Variants in NPAT observed in about 807,000 individuals in gnomAD.
NPAT encodes the protein protein NPAT.
NPAT carries 52 observed loss-of-function variants against 130.7 expected under a neutral mutation model. That is an observed-to-expected ratio of 0.40 (90% CI 0.32 to 0.50). NPAT has a LOEUF of 0.50. Ranked by LOEUF, NPAT falls within the 20% of genes least tolerant of loss-of-function variation. The pLI, the probability that NPAT is intolerant of heterozygous loss-of-function variation, is 0.68. For missense variants in NPAT, 1,687 were observed against 1,662.6 expected (o/e 1.01, Z -0.26); for synonymous variants, 580 against 584.8 (o/e 0.99, Z 0.12).
intron 10 of NPAT, among the ~76,000 whole-genome samples, chr11:108,182,634 A>G (rs2078068431): frequency 6.6e-6 from 1 of 152,136 alleles, no homozygotes; most frequent in Non-Finnish European, 1.5e-5. Flanking sequence ...TGTAGCTGGG[A>G]TTATAGGTGC....
intron 1 of NPAT, among the ~76,000 whole-genome samples, chr11:108,215,107 G>A (rs80075964): frequency 0.01 from 1,568 of 152,156 alleles, 34 homozygotes; most frequent in African/African-American, 0.036. Flanking sequence ...CTTTGCTTGG[G>A]CAGCTAATCT....
chr11:108,184,407 G>A (rs1043726779), intron 10 of NPAT, among the ~76,000 whole-genome samples: 5 of 151,028 alleles, frequency 3.3e-5, no homozygotes, highest in African/African-American at 1.2e-4. Context: ...GGGAGGCAGA[G>A]CTTGCAGTGA....
Position 108,158,900 on chromosome 11 carries a change from T to C in NPAT, c.*42A>G. On this transcript the variant is annotated 3_prime_UTR_variant, in exon 18 of 18. Transcript: ENST00000278612. ...CATTCCCTACACTCAGTTTAAGGGA[T>C]ATGAGTTTTTAACACCTACTGTTCT... The C allele has an allele frequency of 2.6e-6, 3 of 1,132,438 alleles. No individual in the cohort carries two copies. The highest frequency in any genetic ancestry group is 4.0e-6 in the Non-Finnish European group (3 of 745,454). The allele number at this position is 1,132,438 out of a possible 1,614,324, so 70.1% of individuals were successfully genotyped here.
chr11:108,161,953 C>T lies in NPAT; in HGVS notation c.3133G>A (p.Val1045Ile), dbSNP rs1804021. The T allele has an allele frequency of 6.2e-7, 1 of 1,603,766 alleles. No homozygotes were observed. The highest frequency in any genetic ancestry group is 1.7e-5 in the Admixed American group (1 of 58,120). The change falls in exon 17 of 18, where the codon GTT (valine) becomes ATT (isoleucine). Residue 1045 changes from valine to isoleucine, a missense_variant. This residue lies in a region of NPAT where 1,379 missense variants were observed against 1,346.6 expected (regional missense o/e 1.02). Transcript: ENST00000278612. ...ACTATACTCTCTTCTGGGAAGGGAACTGTGGTTTCTTCTGATTTTTTCCCA... is the reference window on the plus strand; with the variant it reads ...ACTATACTCTCTTCTGGGAAGGGAATTGTGGTTTCTTCTGATTTTTTCCCA... Reference protein sequence around the residue: ...DLGKKSEETTVPFPEESIVPA... With the variant: ...DLGKKSEETTIPFPEESIVPA...
chr11:108,166,927 C>G lies in NPAT; in HGVS notation c.3010+2817G>C, dbSNP rs532849471. Among the ~76,000 whole-genome samples the G allele has an allele frequency of 2.0e-5, 3 of 152,220 alleles. No individual in the cohort carries two copies. The East Asian group carries it at 5.8e-4, about 29-fold the overall frequency. ...ACATGGTTCTCTTCTATTTATACAT[C>G]CTTTATGAAAGATTTCAAATATTCT... On this transcript the variant is annotated intron_variant, in intron 15 of 17. Transcript: ENST00000278612.
Position 108,160,875 on chromosome 11 carries a change from C to T in NPAT, c.4206+5G>A. On this transcript the variant is annotated splice_donor_5th_base_variant and intron_variant, in intron 17 of 17. Transcript: ENST00000278612. The stretch of plus-strand genomic sequence containing the variant: ...TGGTTTTGAAATTAAAACTTTCAAA[C>T]TTGCCTTAATTTTCTTCTTTTTCAT... 1.2e-6 allele frequency: 2 copies of T among 1,610,266 alleles called. No homozygotes were observed. The highest frequency in any genetic ancestry group is 1.7e-6 in the Non-Finnish European group (2 of 1,177,996).
intron 1 of NPAT, among the ~76,000 whole-genome samples, chr11:108,199,656 T>C (rs1482978799): frequency 6.6e-6 from 1 of 152,100 alleles, no homozygotes; most frequent in African/African-American, 2.4e-5. Context: ...TGGGGAAGAT[T>C]TTGTCAAGCC....
chr11:108,216,357 T>A (rs938714288), intron 1 of NPAT, among the ~76,000 whole-genome samples: 2 of 152,212 alleles, frequency 1.3e-5, no homozygotes, highest in African/African-American at 2.4e-5. Flanking sequence ...GGAGTCATAC[T>A]GCCCTAAGAG....
intron 7 of NPAT, among the ~76,000 whole-genome samples, chr11:108,186,779 C>A (rs2078111904): frequency 6.6e-6 from 1 of 152,022 alleles, no homozygotes; most frequent in South Asian, 2.1e-4. Flanking sequence ...CCCATGTATT[C>A]AAAAAGTCAG....
intron 13 of NPAT, 98 bp downstream of exon 13, chr11:108,172,101 T>C: frequency 1.0e-6 from 1 of 981,406 alleles, no homozygotes; most frequent in Non-Finnish European, 1.6e-6. Flanking sequence ...TCATACCATC[T>C]ACTCATTAGT....
At chr11:108,160,743 G>A (rs1459176709) in intron 17 of NPAT, 137 bp downstream of exon 17, 1 of 755,576 alleles carries the variant, frequency 1.3e-6, no homozygotes, top group Non-Finnish European at 2.2e-6. Flanking sequence ...TCATGGTTAT[G>A]TATTTTGTCA....
chr11:108,205,123 C>T (rs906966598), intron 1 of NPAT, among the ~76,000 whole-genome samples: 7 of 152,096 alleles, frequency 4.6e-5, no homozygotes, highest in Non-Finnish European at 8.8e-5. Flanking sequence ...TCATCACATA[C>T]AAGGGTTTCT....
chr11:108,173,720 T>A lies in NPAT; in HGVS notation c.1264A>T (p.Ser422Cys). ...DQENFSQIST[S>C]IQKKAFKTAV... ...GTTTTAAAGGCCTTTTTCTGTATGC[T>A]GGTACTTATTTGGGAAAAATTTTCC... The change falls in exon 13 of 18, where the codon AGC becomes TGC. Residue 422 changes from serine (S) to cysteine (C), a missense_variant. Ser to Cys is a moderately radical substitution (Grantham distance 112). Coordinates refer to ENST00000278612, the MANE Select transcript of NPAT (RefSeq NM_002519.3). The A allele has an allele frequency of 6.2e-7, 1 of 1,614,202 alleles. No homozygotes were observed. The highest frequency in any genetic ancestry group is 8.5e-7 in the Non-Finnish European group (1 of 1,180,022).
Position 108,192,601 on chromosome 11 carries a change from C to T in NPAT, c.218-411G>A, listed in dbSNP as rs2078180839. 2.0e-5 allele frequency among the ~76,000 whole-genome samples: 3 copies of T among 152,100 alleles called. No individual in the cohort carries two copies. In the South Asian group the frequency reaches 6.2e-4, roughly 32 times the overall value. On this transcript the variant is annotated intron_variant, in intron 3 of 17. Transcript: ENST00000278612. ...TTCCTTATAAGTGTGGAAATTTAAT[C>T]CTCAATTTTCTCATATTTAAAAATG... is the stretch of plus-strand genomic sequence containing the variant.
chr11:108,185,150 G>A, intron 10 of NPAT, 82 bp downstream of exon 10: 2 of 903,420 alleles, frequency 2.2e-6, no homozygotes, highest in Admixed American at 2.0e-5. Flanking sequence ...GTTGGCAATG[G>A]TTTTGAAATG....
Position 108,161,504 on chromosome 11 carries a change from ACCC to A in NPAT, c.3579_3581del (p.Gly1194del). 6.2e-7 allele frequency: 1 copy of A among 1,613,880 alleles called. No homozygotes were observed. The highest frequency in any genetic ancestry group is 2.2e-5 in the East Asian group (1 of 44,880). Reference sequence around the variant, plus strand: ...AAGCTATAGATTTCTCACTTCGCAAACCCCCATTTTGCTGCCCAATAGATAGTT... The same window carrying A: ...AAGCTATAGATTTCTCACTTCGCAAACCATTTTGCTGCCCAATAGATAGTT... On this transcript the variant is annotated inframe_deletion, in exon 17 of 18. Transcript: ENST00000278612.
chr11:108,195,235 G>A (rs2078208900), intron 2 of NPAT, among the ~76,000 whole-genome samples: 1 of 152,186 alleles, frequency 6.6e-6, no homozygotes, highest in Non-Finnish European at 1.5e-5. Flanking sequence ...AGGAGTACAT[G>A]CATAATCATA....
At chr11:108,183,371 A>G (rs1350553905) in intron 10 of NPAT, among the ~76,000 whole-genome samples, 1 of 152,212 alleles carries the variant, frequency 6.6e-6, no homozygotes, top group East Asian at 1.9e-4. Context: ...TCAAGGGCTC[A>G]ATGGCTTTAC....
chr11:108,176,426 C>T (rs1368994594), intron 11 of NPAT, 52 bp from the exon 12 acceptor site: 2 of 1,275,518 alleles, frequency 1.6e-6, no homozygotes, highest in African/African-American at 1.5e-5. Flanking sequence ...AAAAAATAAA[C>T]ATCAATGAAT....
Sources: gnomAD v4.1 joint callset for allele counts (sites outside exome capture counted in the v4.1 genomes callset) on GRCh38, gnomAD v4.1.1 for gene constraint, gnomAD v4.1.1 regional missense constraint, MANE v1.5 for transcripts, NCBI Gene and HGNC (gene_info 2026-07-23, HGNC 2026-07-21) for gene names.